Variants in HOXB9 observed in about 807,000 individuals in gnomAD.
HOXB9 encodes the protein homeobox B9.
In HOXB9, 10 loss-of-function variants were observed where a neutral mutation model predicts 21.5. The ratio of observed to expected loss-of-function variants is 0.47; its 90% CI spans 0.29 to 0.79. HOXB9 has a LOEUF of 0.79. Among genes scored for constraint, HOXB9 ranks in the 30% least tolerant of loss-of-function variants. The probability of loss-of-function intolerance (pLI) is 0.10; values close to 1 mark genes in which losing one functional copy is unlikely to be tolerated. For synonymous variants in HOXB9, 156 were observed against 151.2 expected (o/e 1.03, Z -0.23); for missense variants, 375 against 338.7 (o/e 1.11, Z -0.84).
chr17:48,625,622 C>T, intron 1 of HOXB9, 131 bp downstream of exon 1: 1 of 1,153,484 alleles, frequency 8.7e-7, no homozygotes, highest in Non-Finnish European at 1.2e-6. Context: ...TTCCTCTCCC[C>T]TCCTCCTCCC....
At chr17:48,623,184 C>T in intron 1 of HOXB9, 49 bp from the exon 2 acceptor site, 4 of 1,479,488 alleles carry the variant, frequency 2.7e-6, no homozygotes, top group South Asian at 1.2e-5. Flanking sequence ...GGGTGAAGGG[C>T]CCCAGATCAA....
rs1310417852 is a variant in HOXB9 at position 48,625,999 on chromosome 17, C to A, written c.271G>T (p.Glu91Ter). 1 of 1,559,564 alleles carries A rather than the reference C, an allele frequency of 6.4e-7. No homozygotes were observed. The highest frequency in any genetic ancestry group is 8.6e-7 in the Non-Finnish European group (1 of 1,159,154). ...AGCCAGGTGCGGAGGTACCTGCTCT[C>A]GGCCGGCGGGACGCCCTGGGGCTGG... ...YIQPQGVPPA[E>*]SRYLRTWLEP... The change falls in exon 1 of 2, where the codon GAG becomes TAG. Residue 91 changes from glutamate to a stop codon, truncating the protein, a stop_gained. Coordinates refer to ENST00000311177, the MANE Select transcript of HOXB9 (RefSeq NM_024017.5). LOFTEE classifies it high-confidence loss of function.
In HOXB9 at chr17:48,626,169, G is replaced by A. The variant is rs1440808057; in HGVS notation, c.101C>T (p.Ala34Val). 1.3e-6 allele frequency: 2 copies of A among 1,598,364 alleles called. No individual in the cohort carries two copies. Among genetic ancestry groups the A allele is most frequent in the Non-Finnish European group, 1.7e-6 (2 of 1,179,174 alleles). The change falls in exon 1 of 2, where the codon GCG becomes GTG. Residue 34 changes from alanine (A) to valine (V), a missense_variant. Transcript: ENST00000311177. The part of the protein sequence containing the change: ...PPAKFPSGQY[A>V]SSRQPGHAEH... ...CGCGTGGCCCGGCTGCCGCGAGCTC[G>A]CGTACTGGCCAGAAGGAAACTTGGC... is the stretch of plus-strand genomic sequence containing the variant.
intron 1 of HOXB9, among the ~76,000 whole-genome samples, chr17:48,625,305 G>A (rs1331540316): frequency 6.6e-6 from 1 of 152,224 alleles, no homozygotes; most frequent in Non-Finnish European, 1.5e-5. Context: ...CGCGTGGCGC[G>A]GGGAGCTCTG....
chr17:48,622,791 C>G lies in HOXB9; in HGVS notation c.*109G>C. On this transcript the variant is annotated 3_prime_UTR_variant, in exon 2 of 2. Coordinates refer to ENST00000311177, the MANE Select transcript of HOXB9 (RefSeq NM_024017.5). ...ATAAAGGACTTGGAAGAGAGACTCC[C>G]TTCCCCATTCACTTGAATACATCCC... 1 of 771,026 alleles carries G rather than the reference C, an allele frequency of 1.3e-6. No homozygotes were observed. The highest frequency in any genetic ancestry group is 1.7e-5 in the African/African-American group (1 of 58,128). 47.8% of individuals were successfully genotyped at this position (771,026 alleles called of 1,614,324 possible).
rs371142398 is a variant in HOXB9 at position 48,625,708 on chromosome 17, C to G, written c.517+45G>C. The G allele has an allele frequency of 5.6e-5, 81 of 1,439,646 alleles. No individual in the cohort carries two copies. The Admixed American group carries it at 1.1e-3, about 20-fold the overall frequency. 89.2% of individuals were successfully genotyped at this position (1,439,646 alleles called of 1,614,324 possible). ...TATTGCCTTTCCCCTCCCCGCCCCC[C>G]TCCTGGCCTTCGGCCTGGGTATTTC... On this transcript the variant is annotated intron_variant, in intron 1 of 1. Transcript: ENST00000311177.
chr17:48,622,454 A>C lies in HOXB9; in HGVS notation c.*446T>G. ...CTGGAGTGTCACCTCACTTGACTGA[A>C]TGGTGGTTGTGAGCTCACCCCATTA... On this transcript the variant is annotated 3_prime_UTR_variant, in exon 2 of 2. Coordinates refer to ENST00000311177, the MANE Select transcript of HOXB9 (RefSeq NM_024017.5). The C allele has an allele frequency of 6.4e-6, 1 of 156,692 alleles. No homozygotes were observed. Among genetic ancestry groups the C allele is most frequent in the Middle Eastern group, 3.2e-3 (1 of 316 alleles). The allele number at this position is 156,692 out of a possible 1,614,324, so 9.7% of individuals were successfully genotyped here.
Position 48,625,962 on chromosome 17 carries a change from G to A in HOXB9, c.308C>T (p.Pro103Leu). 4.0e-6 allele frequency: 6 copies of A among 1,487,858 alleles called. No homozygotes were observed. Among genetic ancestry groups the A allele is most frequent in the Non-Finnish European group, 5.3e-6 (6 of 1,130,284 alleles). The allele number at this position is 1,487,858 out of a possible 1,614,324, so 92.2% of individuals were successfully genotyped here. A position where few individuals can be genotyped will look rare whatever the true frequency, so the allele number is the denominator to read the frequency against. Residue 103 changes from proline (P) to leucine (L), a missense_variant, in exon 1 of 2, where the codon CCG (proline) becomes CTG (leucine). Transcript: ENST00000311177. ...CTGCCCCGGGGCCGCTTCGCCGCGC[G>A]GCGCCGGCTCCAGCCAGGTGCGGAG... ...RYLRTWLEPA[P>L]RGEAAPGQGQ...
chr17:48,622,585 T>TGG lies in HOXB9; in HGVS notation c.*314_*315insCC. 1 of 290,698 alleles carries TGG rather than the reference T, an allele frequency of 3.4e-6. No individual in the cohort carries two copies. The highest frequency in any genetic ancestry group is 6.5e-6 in the Non-Finnish European group (1 of 153,360). The allele number at this position is 290,698 out of a possible 1,614,324, so 18.0% of individuals were successfully genotyped here. On this transcript the variant is annotated 3_prime_UTR_variant, in exon 2 of 2. Transcript: ENST00000311177. ...CAAGCTGGAAGTGAGGGGCTAGGAC[T>TGG]TCCCAGAAAAATTACAGGGCATACT...
chr17:48,625,649 A>G, intron 1 of HOXB9, 104 bp downstream of exon 1: 3 of 1,289,216 alleles, frequency 2.3e-6, no homozygotes, highest in Non-Finnish European at 2.0e-6. Context: ...CTCTCCGGCC[A>G]CCGCCGCAGT....
At chr17:48,623,209 G>A in intron 1 of HOXB9, 74 bp from the exon 2 acceptor site, 1 of 1,179,524 alleles carries the variant, frequency 8.5e-7, no homozygotes, top group South Asian at 1.4e-5. Flanking sequence ...GCACTCCCTT[G>A]GTCTCCACTC....
In HOXB9 at chr17:48,626,178, C is replaced by A; in HGVS notation, c.92G>T (p.Gly31Val). 2 of 1,599,274 alleles carry A rather than the reference C, an allele frequency of 1.3e-6. No homozygotes were observed. The highest frequency in any genetic ancestry group is 1.1e-5 in the South Asian group (1 of 90,680). Residue 31 changes from glycine to valine, a missense_variant, in exon 1 of 2, where the codon GGC (glycine) becomes GTC (valine). Coordinates refer to ENST00000311177, the MANE Select transcript of HOXB9 (RefSeq NM_024017.5). Reference protein sequence around the residue: ...EDAPPAKFPSGQYASSRQPGH... With the variant: ...EDAPPAKFPSVQYASSRQPGH... ...CGGCTGCCGCGAGCTCGCGTACTGG[C>A]CAGAAGGAAACTTGGCTGGAGGCGC...
rs1411651915 is a variant in HOXB9, at chr17:48,626,321, G to A, written c.-52C>T. 6.5e-7 allele frequency: 1 copy of A among 1,531,652 alleles called. No individual in the cohort carries two copies. Among genetic ancestry groups the A allele is most frequent in the Non-Finnish European group, 8.7e-7 (1 of 1,144,900 alleles). 94.9% of individuals were successfully genotyped at this position (1,531,652 alleles called of 1,614,324 possible). On this transcript the variant is annotated 5_prime_UTR_variant, in exon 1 of 2. Coordinates refer to ENST00000311177, the MANE Select transcript of HOXB9 (RefSeq NM_024017.5). ...GGGGGAAGGGAAGCGCTCGCGCGGCGGCGCCCAAGCAGGGAGAGGTGGCAC... is the reference window on the plus strand; with the variant it reads ...GGGGGAAGGGAAGCGCTCGCGCGGCAGCGCCCAAGCAGGGAGAGGTGGCAC...
At chr17:48,624,719 C>T (rs1484883409) in intron 1 of HOXB9, among the ~76,000 whole-genome samples, 1 of 152,104 alleles carries the variant, frequency 6.6e-6, no homozygotes, top group Non-Finnish European at 1.5e-5. Flanking sequence ...AGTTCCCTCA[C>T]CGATGAGCCC....
chr17:48,622,307 A>T lies in HOXB9; in HGVS notation c.*593T>A, dbSNP rs2303486. 72,875 of 152,660 alleles carry T rather than the reference A, an allele frequency of 0.48. 19,605 individuals carry two copies. The highest frequency in any genetic ancestry group is 0.6 in the Non-Finnish European group (41,110 of 68,120). 9.5% of individuals were successfully genotyped at this position (152,660 alleles called of 1,614,324 possible). ...AATGCTGCAGCCTTTGGGCTGCAAC[A>T]CCTCACTCAGGAGTCTGCCTCTAGA... On this transcript the variant is annotated 3_prime_UTR_variant, in exon 2 of 2. Transcript: ENST00000311177.
chr17:48,622,542 G>T lies in HOXB9; in HGVS notation c.*358C>A. The T allele has an allele frequency of 4.1e-6, 1 of 245,950 alleles. No homozygotes were observed. Among genetic ancestry groups the T allele is most frequent in the South Asian group, 5.7e-5 (1 of 17,676 alleles). The allele number at this position is 245,950 out of a possible 1,614,324, so 15.2% of individuals were successfully genotyped here. A position where few individuals can be genotyped will look rare whatever the true frequency, so the allele number is the denominator to read the frequency against. ...GTGTCCCTGGGTGACTTTTGGGTGG[G>T]TGTAGAGAAGAAACAGGCAAGCTGG... On this transcript the variant is annotated 3_prime_UTR_variant, in exon 2 of 2. Transcript: ENST00000311177.
rs2070768229 is a variant in HOXB9, at chr17:48,621,302, C to T, written c.*1598G>A. The T allele has an allele frequency of 6.6e-6, 1 of 151,460 alleles. No individual in the cohort carries two copies. The highest frequency in any genetic ancestry group is 2.1e-4 in the South Asian group (1 of 4,764). 9.4% of individuals were successfully genotyped at this position (151,460 alleles called of 1,614,324 possible). On this transcript the variant is annotated 3_prime_UTR_variant, in exon 2 of 2. Transcript: ENST00000311177. The stretch of plus-strand genomic sequence containing the variant: ...CAACTGAAAACAAGCGAGACAATCA[C>T]CCCCAAAGAAATCACGAAACACAAG...
At position 48,625,965 on chromosome 17, in the gene HOXB9, G is replaced by A. The variant is rs1175912717; in HGVS notation, c.305C>T (p.Ala102Val). 1 of 1,487,954 alleles carries A rather than the reference G, an allele frequency of 6.7e-7. No homozygotes were observed. Among genetic ancestry groups the A allele is most frequent in the Non-Finnish European group, 8.8e-7 (1 of 1,130,150 alleles). The allele number at this position is 1,487,954 out of a possible 1,614,324, so 92.2% of individuals were successfully genotyped here. ...SRYLRTWLEP[A>V]PRGEAAPGQG... ...CCCCGGGGCCGCTTCGCCGCGCGGC[G>A]CCGGCTCCAGCCAGGTGCGGAGGTA... The change falls in exon 1 of 2, where the codon GCG becomes GTG. Residue 102 changes from alanine (A) to valine (V), a missense_variant. Physicochemically the swap from Ala to Val is moderately conservative, Grantham distance 64. Transcript: ENST00000311177.
Position 48,622,808 on chromosome 17 carries a change from A to T in HOXB9, c.*92T>A. ...GAGACTCCCTTCCCCATTCACTTGA[A>T]TACATCCCAGACAGCACTGGCTTTG... is the stretch of plus-strand genomic sequence containing the variant. On this transcript the variant is annotated 3_prime_UTR_variant, in exon 2 of 2. Coordinates refer to ENST00000311177, the MANE Select transcript of HOXB9 (RefSeq NM_024017.5). 2.2e-6 allele frequency: 2 copies of T among 909,314 alleles called. No homozygotes were observed. Among genetic ancestry groups the T allele is most frequent in the East Asian group, 4.9e-5 (2 of 40,876 alleles). The allele number at this position is 909,314 out of a possible 1,614,324, so 56.3% of individuals were successfully genotyped here. A position where few individuals can be genotyped will look rare whatever the true frequency, so the allele number is the denominator to read the frequency against.
Sources: allele counts gnomAD v4.1 joint callset (sites outside exome capture counted in the v4.1 genomes callset), GRCh38; gene constraint gnomAD v4.1.1; transcripts MANE v1.5; gene names NCBI Gene and HGNC (gene_info 2026-07-23, HGNC 2026-07-21).